Variants in CENPN observed in about 807,000 individuals in gnomAD.
CENPN encodes centromere protein N.
In CENPN, 36 loss-of-function variants were observed where a neutral mutation model predicts 48.6. The observed-to-expected ratio is 0.74, with a 90% CI of 0.57 to 0.98. The LOEUF (loss-of-function observed/expected upper bound fraction) is 0.98. Ranked by LOEUF, CENPN falls within the 50% of genes least tolerant of loss-of-function variation. CENPN has a pLI of 0.00. For missense variants in CENPN, 439 were observed against 399.2 expected (o/e 1.10, Z -0.85); for synonymous variants, 166 against 135.2 (o/e 1.23, Z -1.58).
chr16:81,014,251 G>A, intron 3 of CENPN, 70 bp downstream of exon 3: 20 of 1,313,794 alleles, frequency 1.5e-5, no homozygotes, highest in East Asian at 2.3e-5. Context: ...TTCTTTCTTT[G>A]TGAGACAGGG....
At chr16:81,014,296 G>A in intron 3 of CENPN, 115 bp downstream of exon 3, 7 of 794,166 alleles carry the variant, frequency 8.8e-6, no homozygotes, top group South Asian at 2.9e-5. Flanking sequence ...GTGCAGTAAC[G>A]CCATCTCAGC....
At chr16:81,026,720 A>C in intron 9 of CENPN, 82 bp downstream of exon 9, 2 of 613,760 alleles carry the variant, frequency 3.3e-6, no homozygotes, top group Non-Finnish European at 5.6e-6. Flanking sequence ...AAACAGATCT[A>C]AGAAACTGTT....
intron 1 of CENPN, among the ~76,000 whole-genome samples, chr16:81,011,201 T>C (rs1281968252): frequency 6.6e-6 from 1 of 152,164 alleles, no homozygotes; most frequent in Non-Finnish European, 1.5e-5. Flanking sequence ...CCTGGAAAGC[T>C]CTTCCACCAC....
chr16:81,019,026 T>TTATC (rs1333216222), intron 5 of CENPN, among the ~76,000 whole-genome samples: 1 of 152,226 alleles, frequency 6.6e-6, no homozygotes, highest in Non-Finnish European at 1.5e-5. Context: ...GGCCTGTATT[T>TTATC]TATCCATGAA....
chr16:81,016,205 C>T (rs1022849349), intron 3 of CENPN, among the ~76,000 whole-genome samples: 3 of 151,950 alleles, frequency 2.0e-5, no homozygotes, highest in East Asian at 1.9e-4. Flanking sequence ...TTCATTCATT[C>T]GTTCATCAAA....
chr16:81,007,761 C>G (rs892042804), intron 1 of CENPN, among the ~76,000 whole-genome samples: 1 of 152,152 alleles, frequency 6.6e-6, no homozygotes, highest in Admixed American at 6.5e-5. Context: ...TTCCACAGAT[C>G]TTGAGCATCT....
intron 1 of CENPN, among the ~76,000 whole-genome samples, chr16:81,008,872 A>G (rs1385804583): frequency 7.2e-5 from 11 of 152,242 alleles, no homozygotes. Context: ...TAGAAACAAG[A>G]AAAGTTAAAA....
chr16:81,020,934 A>G (rs1231313424), intron 6 of CENPN, among the ~76,000 whole-genome samples: 1 of 152,036 alleles, frequency 6.6e-6, no homozygotes, highest in Non-Finnish European at 1.5e-5. Context: ...TACTAAAAAT[A>G]CAAAAAAATT....
chr16:81,015,276 A>G (rs1341315818), intron 3 of CENPN, among the ~76,000 whole-genome samples: 1 of 152,196 alleles, frequency 6.6e-6, no homozygotes, highest in Non-Finnish European at 1.5e-5. Flanking sequence ...ATAGGGGCTG[A>G]GAACACAGGC....
chr16:81,017,406 T>C (rs368992165), intron 4 of CENPN, 21 bp downstream of exon 4: 121 of 1,497,826 alleles, frequency 8.1e-5, no homozygotes, highest in Non-Finnish European at 1.0e-4. Flanking sequence ...CTGTTTACAA[T>C]TGAATATTTG....
In CENPN at chr16:81,030,155, G is replaced by A. The variant is rs1282214640; in HGVS notation, c.*1504G>A. On this transcript the variant is annotated 3_prime_UTR_variant, in exon 11 of 11. Transcript: ENST00000305850. Reference sequence around the variant, plus strand: ...CACCTGGCCCTGCCCTTGTCACATGGGGGTTATTACAATTCAAGGTGACAC... The same window carrying A: ...CACCTGGCCCTGCCCTTGTCACATGAGGGTTATTACAATTCAAGGTGACAC... The A allele has an allele frequency of 1.0e-6, 1 of 973,726 alleles. No individual in the cohort carries two copies. Among genetic ancestry groups the A allele is most frequent in the African/African-American group, 1.8e-5 (1 of 56,894 alleles). 60.3% of individuals were successfully genotyped at this position (973,726 alleles called of 1,614,324 possible).
chr16:81,025,689 C>T (rs1024084053), intron 8 of CENPN, among the ~76,000 whole-genome samples: 2 of 135,214 alleles, frequency 1.5e-5, no homozygotes, highest in African/African-American at 5.9e-5. Context: ...GACCCTGTCT[C>T]TCTTTTTTTT....
At chr16:81,017,510 CA>C (rs569896529) in intron 4 of CENPN, 125 bp downstream of exon 4, 22,705 of 526,426 alleles carry the variant, frequency 0.043, no homozygotes, top group South Asian at 0.067. Flanking sequence ...ACTCTATATC[CA>C]AAAAAAAAAA....
intron 5 of CENPN, among the ~76,000 whole-genome samples, chr16:81,018,900 C>T: frequency 6.6e-6 from 1 of 152,204 alleles, no homozygotes. Context: ...TCACTCAAGT[C>T]CCTCCTTTCT....
At chr16:81,017,886 C>A in intron 5 of CENPN, 52 bp downstream of exon 5, 1 of 1,106,650 alleles carries the variant, frequency 9.0e-7, no homozygotes, top group Non-Finnish European at 1.3e-6. Context: ...GACGTCTGTG[C>A]ACTTAAAATT....
chr16:81,015,951 G>A lies in CENPN; in HGVS notation c.218-1375G>A, dbSNP rs543804291. On this transcript the variant is annotated intron_variant, in intron 3 of 10. Transcript: ENST00000305850. The stretch of plus-strand genomic sequence containing the variant: ...ACCCAGGAGACAGAGATTGCAGTCA[G>A]CCAAGATCACACCACTGCACTCCAG... Among the ~76,000 whole-genome samples the A allele has an allele frequency of 1.1e-4, 16 of 151,382 alleles. No homozygotes were observed. The South Asian group carries it at 3.1e-3, about 30-fold the overall frequency.
intron 3 of CENPN, 40 bp from the exon 4 acceptor site, chr16:81,017,286 C>G (rs1969971492): frequency 1.5e-6 from 2 of 1,356,932 alleles, no homozygotes; most frequent in East Asian, 4.6e-5. Flanking sequence ...CTTCAAAGTT[C>G]TATGATATGC....
At chr16:81,020,825 C>T (rs2151693176) in intron 6 of CENPN, among the ~76,000 whole-genome samples, 1 of 152,250 alleles carries the variant, frequency 6.6e-6, no homozygotes, top group East Asian at 1.9e-4. Context: ...GCGCGGTGCT[C>T]ATGTCTGTAA....
chr16:81,007,395 G>A (rs374362107), intron 1 of CENPN, 118 bp downstream of exon 1: 1 of 152,318 alleles, frequency 6.6e-6, no homozygotes, highest in Non-Finnish European at 1.5e-5. Context: ...TGAGGCGCAG[G>A]ATTGGCGCTG....
Sources: gnomAD v4.1 joint callset for allele counts (sites outside exome capture counted in the v4.1 genomes callset) on GRCh38, gnomAD v4.1.1 for gene constraint, MANE v1.5 for transcripts, NCBI Gene and HGNC (gene_info 2026-07-23, HGNC 2026-07-21) for gene names.